CACNA2D1: variants seen among roughly 807,000 people sequenced by gnomAD.
The protein encoded by CACNA2D1 is voltage-dependent calcium channel subunit alpha-2/delta-1.
A neutral mutation model predicts 171.5 loss-of-function variants in CACNA2D1; 53 were observed. That is an observed-to-expected ratio of 0.31 (90% CI 0.25 to 0.39). The LOEUF is 0.39. CACNA2D1 is among the 10% of genes least tolerant of loss of function. CACNA2D1 has a pLI of 1.00. For missense variants in CACNA2D1, 903 were observed against 1,299.8 expected (o/e 0.69, Z 4.69); for synonymous variants, 442 against 443.1 (o/e 1.00, Z 0.03).
At chr7:82,246,706 T>C (rs539183223) in intron 3 of CACNA2D1, among the ~76,000 whole-genome samples, 1 of 152,232 alleles carries the variant, frequency 6.6e-6, no homozygotes, top group African/African-American at 2.4e-5. Flanking sequence ...GTAAAAGTGT[T>C]TTACACTTAA....
chr7:82,039,938 G>A (rs1323310721), intron 10 of CACNA2D1, among the ~76,000 whole-genome samples: 3 of 152,152 alleles, frequency 2.0e-5, no homozygotes, highest in African/African-American at 7.2e-5. Context: ...TGCTGAAGAT[G>A]ATTTTATTTT....
Position 82,328,501 on chromosome 7 carries a change from C to A in CACNA2D1, c.294+6634G>T, listed in dbSNP as rs555976559. Among the ~76,000 whole-genome samples the A allele has an allele frequency of 1.8e-4, 28 of 152,252 alleles. 2 individuals are homozygous for A. The South Asian group carries it at 5.4e-3, about 29-fold the overall frequency. ...CTCCCAAATCTTCAACAAAAACTGT[C>A]TTTATTTATATCTAATAATATTCCT... is the stretch of plus-strand genomic sequence containing the variant. On this transcript the variant is annotated intron_variant, in intron 3 of 38. Transcript: ENST00000356860.
chr7:82,046,798 C>T (rs1471498682), intron 10 of CACNA2D1, among the ~76,000 whole-genome samples: 1 of 152,124 alleles, frequency 6.6e-6, no homozygotes, highest in Non-Finnish European at 1.5e-5. Flanking sequence ...CATCATTCAT[C>T]AAACATTTCA....
intron 9 of CACNA2D1, among the ~76,000 whole-genome samples, chr7:82,062,503 C>T (rs891020250): frequency 1.3e-5 from 2 of 151,726 alleles, no homozygotes; most frequent in African/African-American, 4.8e-5. Flanking sequence ...CTATGTCATA[C>T]TTTATATCTA....
intron 1 of CACNA2D1, among the ~76,000 whole-genome samples, chr7:82,370,056 C>T (rs1053301515): frequency 6.6e-6 from 1 of 151,858 alleles, no homozygotes; most frequent in Non-Finnish European, 1.5e-5. Context: ...TTAACTTTCA[C>T]ATTATCTACC....
At chr7:82,326,000 T>C (rs1816605885) in intron 3 of CACNA2D1, among the ~76,000 whole-genome samples, 1 of 152,010 alleles carries the variant, frequency 6.6e-6, no homozygotes, top group Non-Finnish European at 1.5e-5. Context: ...CCATGACAAG[T>C]AGGTGTGGGT....
chr7:82,169,773 C>T (rs1795825875), intron 4 of CACNA2D1, among the ~76,000 whole-genome samples: 1 of 151,832 alleles, frequency 6.6e-6, no homozygotes, highest in African/African-American at 2.4e-5. Flanking sequence ...TTTCTGTGAT[C>T]AGAAATTATA....
chr7:82,136,445 T>C (rs563782436), intron 5 of CACNA2D1, among the ~76,000 whole-genome samples, 190 bp downstream of exon 5: 1 of 152,090 alleles, frequency 6.6e-6, no homozygotes, highest in South Asian at 2.1e-4. Flanking sequence ...AATTTTTACT[T>C]AGGAAGATGC....
At chr7:82,186,997 A>G (rs1797854049) in intron 3 of CACNA2D1, among the ~76,000 whole-genome samples, 1 of 152,204 alleles carries the variant, frequency 6.6e-6, no homozygotes, top group Non-Finnish European at 1.5e-5. Flanking sequence ...CAGTGACTCT[A>G]GATCTCTAAA....
intron 6 of CACNA2D1, among the ~76,000 whole-genome samples, chr7:82,115,935 T>C (rs952512158): frequency 6.6e-6 from 1 of 152,104 alleles, no homozygotes; most frequent in African/African-American, 2.4e-5. Flanking sequence ...TTATCTCCAT[T>C]TTACAGATGA....
chr7:82,419,811 C>T (rs1208353916), intron 1 of CACNA2D1, among the ~76,000 whole-genome samples: 1 of 152,180 alleles, frequency 6.6e-6, no homozygotes, highest in Non-Finnish European at 1.5e-5. Context: ...ATTTACTATG[C>T]AGATTCAACT....
At chr7:82,357,461 CA>C (rs1461788684) in intron 1 of CACNA2D1, among the ~76,000 whole-genome samples, 1 of 151,924 alleles carries the variant, frequency 6.6e-6, no homozygotes, top group East Asian at 1.9e-4. Flanking sequence ...ACAATGCAGC[CA>C]AAATGATAGC....
At chr7:82,181,548 C>T (rs1797142426) in intron 3 of CACNA2D1, among the ~76,000 whole-genome samples, 1 of 152,146 alleles carries the variant, frequency 6.6e-6, no homozygotes, top group African/African-American at 2.4e-5. Context: ...AACAAACATC[C>T]AGGTTATTCT....
At chr7:81,988,678 T>A (rs879327185) in intron 21 of CACNA2D1, among the ~76,000 whole-genome samples, 4 of 152,126 alleles carry the variant, frequency 2.6e-5, no homozygotes, top group Admixed American at 2.6e-4. Flanking sequence ...ACTATATGAA[T>A]TTGAAAGGAT....
chr7:82,208,564 A>G (rs1262970251), intron 3 of CACNA2D1, among the ~76,000 whole-genome samples: 1 of 152,166 alleles, frequency 6.6e-6, no homozygotes, highest in African/African-American at 2.4e-5. Context: ...TCATATTCTA[A>G]ATCTACTATT....
At chr7:82,172,474 A>G (rs890468803) in intron 3 of CACNA2D1, among the ~76,000 whole-genome samples, 1 of 151,810 alleles carries the variant, frequency 6.6e-6, no homozygotes, top group South Asian at 2.1e-4. Flanking sequence ...TTGTTTTGAT[A>G]TAGGGTCTCA....
intron 12 of CACNA2D1, among the ~76,000 whole-genome samples, chr7:82,024,708 T>C (rs1480184729): frequency 6.6e-6 from 1 of 151,708 alleles, no homozygotes; most frequent in Non-Finnish European, 1.5e-5. Flanking sequence ...ATCCATGAAA[T>C]CATTACCAAA....
rs1054525761 is a variant in CACNA2D1, at chr7:82,442,710, T to A, written c.95+655A>T. On this transcript the variant is annotated intron_variant, in intron 1 of 38. Coordinates refer to ENST00000356860, the MANE Select transcript of CACNA2D1 (RefSeq NM_000722.4). ...ATTCATTTGAAGAACAGGGACCGCG[T>A]GTCTGCCGACACTTAGATGTTTCAA... Among the ~76,000 whole-genome samples, 3 of 152,324 alleles carry A rather than the reference T, an allele frequency of 2.0e-5. No individual in the cohort carries two copies. In the East Asian group the frequency reaches 5.8e-4, roughly 29 times the overall value.
chr7:82,291,468 A>AG (rs1263656158), intron 3 of CACNA2D1, among the ~76,000 whole-genome samples: 1 of 134,730 alleles, frequency 7.4e-6, no homozygotes, highest in African/African-American at 2.7e-5. Context: ...TTAAATATAT[A>AG]ATATATAAAA....
Sources: gnomAD v4.1 joint callset for allele counts (sites outside exome capture counted in the v4.1 genomes callset) on GRCh38, gnomAD v4.1.1 for gene constraint, MANE v1.5 for transcripts, NCBI Gene and HGNC (gene_info 2026-07-23, HGNC 2026-07-21) for gene names.